Variants in GABRB3 observed in about 807,000 individuals in gnomAD.
The protein encoded by GABRB3 is gamma-aminobutyric acid type A receptor subunit beta3.
A neutral mutation model predicts 52.1 loss-of-function variants in GABRB3; 14 were observed. That is an observed-to-expected ratio of 0.27 (90% CI 0.18 to 0.42). The LOEUF (loss-of-function observed/expected upper bound fraction) is 0.42, where lower values mean the gene tolerates loss of function less well. Among genes scored for constraint, GABRB3 ranks in the 10% least tolerant of loss-of-function variants. The pLI is 1.00. For synonymous variants in GABRB3, 260 were observed against 232.3 expected (o/e 1.12, Z -1.08); for missense variants, 307 against 609.1 (o/e 0.50, Z 5.22).
At chr15:26,575,752 A>G (rs1429459618) in intron 6 of GABRB3, among the ~76,000 whole-genome samples, 1 of 152,228 alleles carries the variant, frequency 6.6e-6, no homozygotes, top group African/African-American at 2.4e-5. Context: ...GAAAATTCAC[A>G]TATCTTAACT....
chr15:26,750,703 A>G (rs1039890312), intron 3 of GABRB3, among the ~76,000 whole-genome samples: 3 of 152,222 alleles, frequency 2.0e-5, no homozygotes, highest in Admixed American at 6.5e-5. Context: ...TTAAATTGAA[A>G]CAAATAGAAT....
intron 3 of GABRB3, among the ~76,000 whole-genome samples, chr15:26,751,886 C>T (rs1942901346): frequency 6.6e-6 from 1 of 151,936 alleles, no homozygotes; most frequent in South Asian, 2.1e-4. Context: ...GATTTTCAGG[C>T]AAACTATGTA....
chr15:26,744,155 T>C (rs1647461808), intron 3 of GABRB3, among the ~76,000 whole-genome samples: 1 of 152,128 alleles, frequency 6.6e-6, no homozygotes, highest in Non-Finnish European at 1.5e-5. Context: ...CATATAAAAA[T>C]AGCACAATCT....
intron 7 of GABRB3, among the ~76,000 whole-genome samples, chr15:26,564,346 C>T (rs1217646611): frequency 6.6e-6 from 1 of 152,158 alleles, no homozygotes; most frequent in Admixed American, 6.5e-5. Context: ...GTCGTTAACG[C>T]TAACAGTTCA....
At chr15:26,773,133 G>A (rs922315216), upstream of GABRB3, 49 of 510,466 alleles carry the variant, frequency 9.6e-5, no homozygotes, top group South Asian at 2.4e-4. Flanking sequence ...GGAGAGGAAG[G>A]AGGAGCGGGG....
chr15:26,757,185 A>T (rs944679550), intron 3 of GABRB3, among the ~76,000 whole-genome samples: 1 of 152,160 alleles, frequency 6.6e-6, no homozygotes, highest in Non-Finnish European at 1.5e-5. Context: ...TGCTATTCGT[A>T]TCCCACCGTG....
intron 3 of GABRB3, among the ~76,000 whole-genome samples, chr15:26,644,927 G>GA (rs1893308277): frequency 1.3e-5 from 2 of 152,170 alleles, no homozygotes; most frequent in South Asian, 2.1e-4. Flanking sequence ...GCTAAAAGGA[G>GA]AAAATGAAAA....
In GABRB3 at chr15:26,548,117, A is replaced by C; in HGVS notation, c.1098T>G (p.Asn366Lys). Residue 366 changes from asparagine (N) to lysine (K), a missense_variant, in exon 9 of 9, where the codon AAT becomes AAG. Asn to Lys is a moderately conservative substitution (Grantham distance 94). Transcript: ENST00000311550. The part of the protein sequence containing the change: ...SESNRVDAHG[N>K]ILLTSLEVHN... ...GAACTTCCAGCGATGTCAACAGAATATTTCCATGAGCATCCACCTAATTGG... is the reference window on the plus strand; with the variant it reads ...GAACTTCCAGCGATGTCAACAGAATCTTTCCATGAGCATCCACCTAATTGG... The C allele has an allele frequency of 6.2e-7, 1 of 1,614,132 alleles. No individual in the cohort carries two copies. The highest frequency in any genetic ancestry group is 8.5e-7 in the Non-Finnish European group (1 of 1,180,004).
chr15:26,628,424 A>T (rs1380949351), intron 3 of GABRB3, among the ~76,000 whole-genome samples: 1 of 152,258 alleles, frequency 6.6e-6, no homozygotes, highest in East Asian at 1.9e-4. Context: ...AGGTTCCAAG[A>T]ATTCAAAAGC....
At chr15:26,748,471 A>AT (rs1890410091) in intron 3 of GABRB3, among the ~76,000 whole-genome samples, 1 of 151,842 alleles carries the variant, frequency 6.6e-6, no homozygotes, top group Non-Finnish European at 1.5e-5. Context: ...GAATTGGTCT[A>AT]TTTTTTCTGA....
rs1892501102 is a variant in GABRB3, at chr15:26,621,987, C to A, written c.241-453G>T. Among the ~76,000 whole-genome samples, 1 of 152,122 alleles carries A rather than the reference C, an allele frequency of 6.6e-6. No individual in the cohort carries two copies. The highest frequency in any genetic ancestry group is 1.5e-5 in the Non-Finnish European group (1 of 68,026). ...TTTGAGCCACTTTCCTCTGGTTCTG[C>A]CCTCCATGAGGGCTATAAATACAAA... On this transcript the variant is annotated intron_variant, in intron 3 of 8. Transcript: ENST00000311550. The surrounding 1 kb of genome is among the most constrained non-coding windows in gnomAD (Gnocchi z 4.1).
chr15:26,623,111 T>C (rs1391454837), intron 3 of GABRB3, among the ~76,000 whole-genome samples: 2 of 152,194 alleles, frequency 1.3e-5, no homozygotes. Flanking sequence ...ACACTAAAGA[T>C]AACCCTCGGC....
At chr15:26,614,385 C>CA in intron 4 of GABRB3, 1 of 152,190 alleles carries the variant, frequency 6.6e-6, no homozygotes, top group Non-Finnish European at 1.5e-5. Context: ...GTGAGTCAGG[C>CA]AATCTTCACC....
At chr15:26,669,192 AC>A (rs979619634) in intron 3 of GABRB3, among the ~76,000 whole-genome samples, 1 of 151,750 alleles carries the variant, frequency 6.6e-6, no homozygotes, top group African/African-American at 2.4e-5. Context: ...CTGCTCTGTG[AC>A]CCCCACAGAA....
chr15:26,699,198 G>A (rs1001942803), intron 3 of GABRB3, among the ~76,000 whole-genome samples: 4 of 151,978 alleles, frequency 2.6e-5, no homozygotes, highest in African/African-American at 9.7e-5. Flanking sequence ...GCATTCATAG[G>A]GCATGAGATG....
intron 4 of GABRB3, among the ~76,000 whole-genome samples, chr15:26,607,404 T>C (rs1447052115): frequency 6.6e-6 from 1 of 152,094 alleles, no homozygotes; most frequent in Non-Finnish European, 1.5e-5. Context: ...GGCCCATCTC[T>C]ACAAAAAGTC....
At chr15:26,764,898 A>C (rs1039287021) in intron 3 of GABRB3, among the ~76,000 whole-genome samples, 5 of 152,124 alleles carry the variant, frequency 3.3e-5, no homozygotes, top group Non-Finnish European at 5.9e-5. Context: ...TGGGAGGCCG[A>C]GGCAGGTGGA....
At chr15:26,667,182 G>T (rs769746266) in intron 3 of GABRB3, among the ~76,000 whole-genome samples, 2 of 152,214 alleles carry the variant, frequency 1.3e-5, no homozygotes, top group African/African-American at 4.8e-5. Flanking sequence ...GGTCACGGTT[G>T]CAGGTTTCAC....
At chr15:26,616,126 G>A in intron 4 of GABRB3, 5 of 1,254,106 alleles carry the variant, frequency 4.0e-6, no homozygotes, top group Non-Finnish European at 4.2e-6. Context: ...GGCCTGCCAT[G>A]TCACCATCCA....
Sources: gnomAD v4.1 joint callset for allele counts (sites outside exome capture counted in the v4.1 genomes callset) on GRCh38, gnomAD v4.1.1 for gene constraint, Gnocchi (gnomAD v3.1) non-coding constraint, MANE v1.5 for transcripts, NCBI Gene and HGNC (gene_info 2026-07-23, HGNC 2026-07-21) for gene names.